Variants in SOS1 observed in about 807,000 individuals in gnomAD.
SOS1 encodes the protein SOS Ras/Rac guanine nucleotide exchange factor 1.
SOS1 carries 25 observed loss-of-function variants against 157.6 expected under a neutral mutation model. That is an observed-to-expected ratio of 0.16 (90% CI 0.12 to 0.22). The LOEUF is 0.22. Ranked by LOEUF, SOS1 falls within the 10% of genes least tolerant of loss-of-function variation. The probability of loss-of-function intolerance (pLI) is 1.00; values close to 1 mark genes in which losing one functional copy is unlikely to be tolerated. For synonymous variants in SOS1, 528 were observed against 534.0 expected (o/e 0.99, Z 0.16); for missense variants, 1,237 against 1,599.1 (o/e 0.77, Z 3.86).
chr2:39,060,167 G>T (rs956983840), intron 2 of SOS1, among the ~76,000 whole-genome samples: 1 of 152,094 alleles, frequency 6.6e-6, no homozygotes, highest in Non-Finnish European at 1.5e-5. Context: ...TAACTTACGT[G>T]GTTTTCAGTT....
intron 1 of SOS1, among the ~76,000 whole-genome samples, chr2:39,112,465 T>G (rs1673476306): frequency 6.6e-6 from 1 of 152,034 alleles, no homozygotes; most frequent in Admixed American, 6.6e-5. Context: ...GCCAGGCTTT[T>G]GTTTTGTTTT....
rs1668533759 is a variant in SOS1, at chr2:38,985,690, T to C, written c.*134A>G. 15 of 1,029,736 alleles carry C rather than the reference T, an allele frequency of 1.5e-5. No individual in the cohort carries two copies. The South Asian group carries it at 1.7e-4, about 12-fold the overall frequency. 63.8% of individuals were successfully genotyped at this position (1,029,736 alleles called of 1,614,324 possible). ...ACATCTAGGTTAAAATTCATTGTCT[T>C]ATACTGCATCTTGAAGAAGAGTCGT... is the stretch of plus-strand genomic sequence containing the variant. On this transcript the variant is annotated 3_prime_UTR_variant, in exon 23 of 23. Transcript: ENST00000402219.
intron 1 of SOS1, among the ~76,000 whole-genome samples, chr2:39,068,613 CA>C (rs1671673879): frequency 6.6e-6 from 1 of 152,030 alleles, no homozygotes; most frequent in African/African-American, 2.4e-5. Context: ...TCAAAGGACA[CA>C]AAATTTGTAA....
intron 17 of SOS1, among the ~76,000 whole-genome samples, chr2:39,003,693 A>C (rs1453088179): frequency 6.6e-6 from 1 of 152,198 alleles, no homozygotes; most frequent in Non-Finnish European, 1.5e-5. Context: ...TTCCAGTTAC[A>C]TTTGGGGGCA....
In SOS1 at chr2:38,983,269, A is replaced by C. The variant is rs1456878728; in HGVS notation, c.*2555T>G. The C allele has an allele frequency of 6.6e-6, 1 of 152,128 alleles. No homozygotes were observed. Among genetic ancestry groups the C allele is most frequent in the Non-Finnish European group, 1.5e-5 (1 of 68,018 alleles). 9.4% of individuals were successfully genotyped at this position (152,128 alleles called of 1,614,324 possible). ...ATAGATTTTCATTACTACAAGGATA[A>C]ATTTGTCAACTAGTTAATGTTTCAT... On this transcript the variant is annotated 3_prime_UTR_variant, in exon 23 of 23. Transcript: ENST00000402219.
At chr2:39,087,452 A>C (rs1040857696) in intron 1 of SOS1, among the ~76,000 whole-genome samples, 13 of 152,240 alleles carry the variant, frequency 8.5e-5, no homozygotes, top group African/African-American at 2.9e-4. Context: ...CAAAACAATT[A>C]AACACAGAAT....
chr2:39,043,142 T>C (rs924470988), intron 6 of SOS1, among the ~76,000 whole-genome samples: 12 of 152,218 alleles, frequency 7.9e-5, no homozygotes, highest in African/African-American at 2.9e-4. Flanking sequence ...ATGTCCTTTA[T>C]TAGGTTAAGA....
At chr2:39,077,539 G>A (rs190810255) in intron 1 of SOS1, among the ~76,000 whole-genome samples, 43 of 152,106 alleles carry the variant, frequency 2.8e-4, no homozygotes, top group Admixed American at 2.6e-3. Flanking sequence ...GAACAACTAA[G>A]GCACTCCTAA....
At position 38,997,442 on chromosome 2, in the gene SOS1, A is replaced by G; in HGVS notation, c.2792-17T>C. On this transcript the variant is annotated splice_polypyrimidine_tract_variant and intron_variant, in intron 17 of 22. Transcript: ENST00000402219. The stretch of plus-strand genomic sequence containing the variant: ...GATAAATTCCTAGAAGATATAATGG[A>G]ATGATTTCAAGGATAAAGAAGGAAA... The G allele has an allele frequency of 3.2e-6, 5 of 1,570,528 alleles. No individual in the cohort carries two copies. The highest frequency in any genetic ancestry group is 4.4e-6 in the Non-Finnish European group (5 of 1,145,582).
intron 1 of SOS1, among the ~76,000 whole-genome samples, chr2:39,110,076 G>GTA (rs1187567301): frequency 2.0e-5 from 3 of 149,972 alleles, no homozygotes; most frequent in African/African-American, 7.5e-5. Context: ...GTGTGTGTGT[G>GTA]TGTATGTGCA....
At chr2:39,073,040 C>A (rs1160876974) in intron 1 of SOS1, among the ~76,000 whole-genome samples, 1 of 152,174 alleles carries the variant, frequency 6.6e-6, no homozygotes, top group African/African-American at 2.4e-5. Context: ...TTATATTTCA[C>A]ATGTAGGCAG....
At chr2:38,996,817 A>T in intron 19 of SOS1, 105 bp downstream of exon 19, 3 of 735,990 alleles carry the variant, frequency 4.1e-6, no homozygotes, top group Non-Finnish European at 7.5e-6. Context: ...CTTTTTCATT[A>T]CTTTTAACTA....
At chr2:39,020,851 ATAAAT>A (rs1411990595) in intron 10 of SOS1, among the ~76,000 whole-genome samples, 15 of 151,890 alleles carry the variant, frequency 9.9e-5, no homozygotes, top group Admixed American at 9.2e-4. Context: ...TATTTATGAC[ATAAAT>A]TAAAATATTC....
chr2:39,005,923 T>A (rs1285656809), intron 17 of SOS1, among the ~76,000 whole-genome samples: 1 of 151,978 alleles, frequency 6.6e-6, no homozygotes, highest in African/African-American at 2.4e-5. Flanking sequence ...ATTCAGGTGG[T>A]AGATTCAGTC....
intron 1 of SOS1, among the ~76,000 whole-genome samples, chr2:39,088,027 A>T (rs562721523): frequency 1.6e-4 from 24 of 150,734 alleles, no homozygotes; most frequent in Non-Finnish European, 3.4e-4. Context: ...GTCATTATTC[A>T]CATTACCACA....
intron 1 of SOS1, among the ~76,000 whole-genome samples, chr2:39,094,913 G>C (rs1672718425): frequency 6.6e-6 from 1 of 152,080 alleles, no homozygotes; most frequent in East Asian, 1.9e-4. Context: ...AAACCTGTTA[G>C]TCCAGTGGTT....
Position 39,007,293 on chromosome 2 carries a change from G to A in SOS1, c.2511-100C>T. On this transcript the variant is annotated intron_variant, in intron 15 of 22. Transcript: ENST00000402219. Reference sequence around the variant, plus strand: ...ATAAAATAATGTAGAGAGTAGGGGGGTGGCGATAGTATAACTACTATAGAG... The same window carrying A: ...ATAAAATAATGTAGAGAGTAGGGGGATGGCGATAGTATAACTACTATAGAG... 3.8e-6 allele frequency: 3 copies of A among 790,168 alleles called. 1 individual carries two copies. The highest frequency in any genetic ancestry group is 2.9e-5 in the South Asian group (2 of 69,222). 48.9% of individuals were successfully genotyped at this position (790,168 alleles called of 1,614,324 possible).
chr2:39,107,663 G>GAAAA (rs11464462), intron 1 of SOS1, among the ~76,000 whole-genome samples: 2 of 96,262 alleles, frequency 2.1e-5, no homozygotes, highest in East Asian at 3.3e-4. Flanking sequence ...ACACTAAAAA[G>GAAAA]AAAAAAAAAA....
At chr2:39,057,574 T>G (rs1204424505) in intron 3 of SOS1, among the ~76,000 whole-genome samples, 2 of 152,110 alleles carry the variant, frequency 1.3e-5, no homozygotes, top group Admixed American at 6.5e-5. Flanking sequence ...CAGGCTGCAT[T>G]TACCTTTTAG....
Sources: allele counts gnomAD v4.1 joint callset (sites outside exome capture counted in the v4.1 genomes callset), GRCh38; gene constraint gnomAD v4.1.1; transcripts MANE v1.5; gene names NCBI Gene and HGNC (gene_info 2026-07-23, HGNC 2026-07-21).